Variants in NCAM1 observed in about 807,000 individuals in gnomAD.
The protein encoded by NCAM1 is neural cell adhesion molecule 1.
In NCAM1, 14 loss-of-function variants were observed where a neutral mutation model predicts 109.8. That is an observed-to-expected ratio of 0.13 (90% confidence interval 0.08 to 0.20). The LOEUF (loss-of-function observed/expected upper bound fraction) is 0.20, where lower values mean the gene tolerates loss of function less well. Ranked by LOEUF, NCAM1 falls within the 10% of genes least tolerant of loss-of-function variation. The pLI is 1.00. For synonymous variants in NCAM1, 418 were observed against 442.9 expected (o/e 0.94, Z 0.70); for missense variants, 774 against 1,109.9 (o/e 0.70, Z 4.30).
At chr11:113,134,795 A>C (rs782451160) in intron 1 of NCAM1, among the ~76,000 whole-genome samples, 2 of 152,200 alleles carry the variant, frequency 1.3e-5, no homozygotes, top group Admixed American at 1.3e-4. Context: ...GTATCATTTC[A>C]TGTAAATGAT....
intron 1 of NCAM1, among the ~76,000 whole-genome samples, chr11:113,075,080 A>T (rs1555085887): frequency 6.6e-6 from 1 of 151,620 alleles, no homozygotes; most frequent in Admixed American, 6.6e-5. Flanking sequence ...TTTGTTTTTG[A>T]GCAGGAGGCA....
intron 1 of NCAM1, among the ~76,000 whole-genome samples, chr11:113,190,745 A>T (rs543507697): frequency 6.6e-6 from 1 of 152,048 alleles, no homozygotes; most frequent in Non-Finnish European, 1.5e-5. Flanking sequence ...ATTTTGTATA[A>T]CTTAGTTTAT....
intron 16 of NCAM1, among the ~76,000 whole-genome samples, chr11:113,258,870 G>A (rs1454734999): frequency 4.6e-5 from 7 of 152,090 alleles, no homozygotes; most frequent in African/African-American, 1.2e-4. Flanking sequence ...CTTAGCTCCA[G>A]CCTTGACTGC....
intron 1 of NCAM1, among the ~76,000 whole-genome samples, chr11:113,137,220 T>C (rs1257333997): frequency 1.3e-5 from 2 of 152,160 alleles, no homozygotes; most frequent in African/African-American, 4.8e-5. Context: ...TAAAAGAACA[T>C]GAGTAAAATA....
intron 9 of NCAM1, among the ~76,000 whole-genome samples, chr11:113,222,495 G>C (rs564746461): frequency 6.6e-6 from 1 of 152,326 alleles, no homozygotes; most frequent in East Asian, 1.9e-4. Context: ...TCATTGGGAT[G>C]ACTGTTAAGT....
In NCAM1 at chr11:113,275,685, T is replaced by TA. The variant is rs1289264744; in HGVS notation, c.*304dup. ...AGGACACTCCGTTCCCTGAAACCGTTAAAAAATCAAACAAAAGGACCCCAA... is the reference window on the plus strand; with the variant it reads ...AGGACACTCCGTTCCCTGAAACCGTTAAAAAAATCAAACAAAAGGACCCCAA... On this transcript the variant is annotated 3_prime_UTR_variant, in exon 20 of 20. Transcript: ENST00000316851. The TA allele has an allele frequency of 1.3e-5, 3 of 229,178 alleles. No homozygotes were observed. The highest frequency in any genetic ancestry group is 2.5e-5 in the Non-Finnish European group (3 of 118,268). 14.2% of individuals were successfully genotyped at this position (229,178 alleles called of 1,614,324 possible).
chr11:113,187,300 T>C (rs1042505928), intron 1 of NCAM1, among the ~76,000 whole-genome samples: 2 of 152,136 alleles, frequency 1.3e-5, no homozygotes, highest in Non-Finnish European at 2.9e-5. Flanking sequence ...AACCCTAGAA[T>C]TGAATTCATT....
At chr11:112,968,874 A>G (rs1950796756) in intron 1 of NCAM1, among the ~76,000 whole-genome samples, 1 of 152,216 alleles carries the variant, frequency 6.6e-6, no homozygotes. Flanking sequence ...AACATTCCTG[A>G]ATTCCTTAAC....
chr11:113,155,144 G>A (rs1591372110), intron 1 of NCAM1, among the ~76,000 whole-genome samples: 1 of 152,292 alleles, frequency 6.6e-6, no homozygotes, highest in East Asian at 1.9e-4. Flanking sequence ...GCAAGTGCCT[G>A]GGCAGTGAGG....
chr11:113,185,426 C>G (rs1456886859), intron 1 of NCAM1, among the ~76,000 whole-genome samples: 1 of 152,154 alleles, frequency 6.6e-6, no homozygotes, highest in Non-Finnish European at 1.5e-5. Flanking sequence ...TCAGTCTACC[C>G]AATTTCAATG....
intron 1 of NCAM1, among the ~76,000 whole-genome samples, chr11:113,003,511 G>A (rs1197666369): frequency 6.6e-6 from 1 of 152,150 alleles, no homozygotes; most frequent in African/African-American, 2.4e-5. Context: ...CTGACTTTGT[G>A]AACCACTATA....
intron 1 of NCAM1, among the ~76,000 whole-genome samples, chr11:113,033,756 C>G (rs1445907853): frequency 2.0e-5 from 3 of 152,176 alleles, no homozygotes; most frequent in African/African-American, 7.2e-5. Flanking sequence ...TGTTGAACTT[C>G]CGCTGTGTTC....
intron 1 of NCAM1, among the ~76,000 whole-genome samples, chr11:112,992,956 A>G (rs1951503755): frequency 6.6e-6 from 1 of 152,316 alleles, no homozygotes; most frequent in East Asian, 1.9e-4. Context: ...ACTTCATGCT[A>G]TGATAAAAGA....
At chr11:113,086,901 AT>A (rs1939117173) in intron 1 of NCAM1, among the ~76,000 whole-genome samples, 1 of 152,228 alleles carries the variant, frequency 6.6e-6, no homozygotes, top group Non-Finnish European at 1.5e-5. Context: ...TTTATTTTTG[AT>A]TATCTGAATA....
At chr11:113,039,199 C>T (rs528453482) in intron 1 of NCAM1, among the ~76,000 whole-genome samples, 44 of 152,230 alleles carry the variant, frequency 2.9e-4, no homozygotes, top group African/African-American at 1.0e-3. Flanking sequence ...TTGTATTGTC[C>T]AGATTTGTTT....
At chr11:113,215,199 C>A (rs1555114191) in intron 8 of NCAM1, among the ~76,000 whole-genome samples, 1 of 152,164 alleles carries the variant, frequency 6.6e-6, no homozygotes, top group East Asian at 1.9e-4. Flanking sequence ...AGAAAGCTAT[C>A]TTTATTGTTG....
intron 1 of NCAM1, among the ~76,000 whole-genome samples, chr11:113,060,755 T>C (rs541503754): frequency 6.6e-6 from 1 of 152,324 alleles, no homozygotes; most frequent in South Asian, 2.1e-4. Context: ...CATTTATATC[T>C]TTTGCATTTC....
At chr11:113,077,962 C>T (rs1356420006) in intron 1 of NCAM1, among the ~76,000 whole-genome samples, 1 of 152,182 alleles carries the variant, frequency 6.6e-6, no homozygotes, top group African/African-American at 2.4e-5. Flanking sequence ...GCTGGAATTA[C>T]AGGCGTGAGC....
intron 15 of NCAM1, among the ~76,000 whole-genome samples, chr11:113,255,597 GAAAAAAAAAA>G (rs34738476): frequency 3.2e-5 from 3 of 92,966 alleles, no homozygotes; most frequent in African/African-American, 1.3e-4. Context: ...TGAGACAGGG[GAAAAAAAAAA>G]AAAAAAAAAA....
Sources: allele counts gnomAD v4.1 joint callset (sites outside exome capture counted in the v4.1 genomes callset), GRCh38; gene constraint gnomAD v4.1.1; transcripts MANE v1.5; gene names NCBI Gene and HGNC (gene_info 2026-07-23, HGNC 2026-07-21).